NALF1: variants seen among roughly 807,000 people sequenced by gnomAD.
NALF1 encodes the protein NALCN channel auxiliary factor 1.
In NALF1, 3 loss-of-function variants were observed where a neutral mutation model predicts 48.4. That is an observed-to-expected ratio of 0.06 (90% CI 0.03 to 0.16). NALF1 has a LOEUF of 0.16. NALF1 is among the 10% of genes least tolerant of loss of function. The probability of loss-of-function intolerance (pLI) is 1.00; values close to 1 mark genes in which losing one functional copy is unlikely to be tolerated. For missense variants in NALF1, 526 were observed against 571.5 expected (o/e 0.92, Z 0.81); for synonymous variants, 262 against 245.7 (o/e 1.07, Z -0.62).
chr13:107,320,173 T>C (rs1415815196), intron 1 of NALF1, among the ~76,000 whole-genome samples: 1 of 152,066 alleles, frequency 6.6e-6, no homozygotes, highest in East Asian at 1.9e-4. Flanking sequence ...TTTAAAGATG[T>C]GCCTAAAAAA....
chr13:107,174,947 G>C (rs1033100461), intron 2 of NALF1, among the ~76,000 whole-genome samples: 4 of 149,956 alleles, frequency 2.7e-5, no homozygotes, highest in East Asian at 2.0e-4. Context: ...GCAGCGGCGC[G>C]ATCTCGGCTC....
chr13:107,439,733 T>C (rs2139024983), intron 1 of NALF1, among the ~76,000 whole-genome samples: 1 of 152,316 alleles, frequency 6.6e-6, no homozygotes, highest in South Asian at 2.1e-4. Context: ...CACTCCACTT[T>C]CAGAGTACGT....
At chr13:107,414,816 AGTGT>A (rs34942300) in intron 1 of NALF1, among the ~76,000 whole-genome samples, 9 of 150,562 alleles carry the variant, frequency 6.0e-5, no homozygotes, top group Non-Finnish European at 7.4e-5. Flanking sequence ...GGAGTGAGTG[AGTGT>A]GTGTGTGTGT....
chr13:107,354,665 A>G (rs2138948382), intron 1 of NALF1, among the ~76,000 whole-genome samples: 1 of 152,308 alleles, frequency 6.6e-6, no homozygotes, highest in South Asian at 2.1e-4. Context: ...TTCAAGAATA[A>G]GTACTTTTTT....
chr13:107,819,683 TTCTCTC>T lies in NALF1; in HGVS notation c.915+45993_915+45998del, dbSNP rs35254661. Reference sequence around the variant, plus strand: ...TGAATCTGCTGTCTCCAGCTGGAAATTCTCTCTCTCTCTCTCTCTCTCTCTCTCTCT... The same window carrying T: ...TGAATCTGCTGTCTCCAGCTGGAAATTCTCTCTCTCTCTCTCTCTCTCTCT... On this transcript the variant is annotated intron_variant, in intron 1 of 2. Coordinates refer to ENST00000375915, the MANE Select transcript of NALF1 (RefSeq NM_001080396.3). Among the ~76,000 whole-genome samples, 1,230 of 136,530 alleles carry T rather than the reference TTCTCTC, an allele frequency of 9.0e-3. 14 individuals are homozygous for T. Among genetic ancestry groups the T allele is most frequent in the Non-Finnish European group, 0.014 (889 of 63,222 alleles). 89.6% of individuals were successfully genotyped at this position (136,530 alleles called of 152,430 possible).
At chr13:107,863,878 T>C (rs1566510374) in intron 1 of NALF1, among the ~76,000 whole-genome samples, 1 of 152,210 alleles carries the variant, frequency 6.6e-6, no homozygotes, top group Non-Finnish European at 1.5e-5. Flanking sequence ...CTGCAGTCTA[T>C]TGTCAATACA....
chr13:107,737,174 T>C (rs1876491555), intron 1 of NALF1, among the ~76,000 whole-genome samples: 2 of 152,320 alleles, frequency 1.3e-5, no homozygotes, highest in Admixed American at 6.5e-5. Context: ...AACACCAGTG[T>C]CTTCTTAGTA....
chr13:107,316,132 G>A (rs1027781052), intron 1 of NALF1, among the ~76,000 whole-genome samples: 1 of 151,968 alleles, frequency 6.6e-6, no homozygotes, highest in Non-Finnish European at 1.5e-5. Flanking sequence ...CCACCAACGA[G>A]CGAGAACATG....
intron 1 of NALF1, among the ~76,000 whole-genome samples, chr13:107,490,824 T>TTG (rs1885403786): frequency 6.6e-6 from 1 of 152,124 alleles, no homozygotes; most frequent in African/African-American, 2.4e-5. Context: ...AATAATAACA[T>TTG]AATGTACTTG....
At chr13:107,668,900 T>C (rs1032602914) in intron 1 of NALF1, among the ~76,000 whole-genome samples, 1 of 152,040 alleles carries the variant, frequency 6.6e-6, no homozygotes, top group Non-Finnish European at 1.5e-5. Context: ...CCCATAAATA[T>C]TGTACCAAGT....
intron 1 of NALF1, among the ~76,000 whole-genome samples, chr13:107,836,780 T>G (rs990176269): frequency 6.6e-6 from 1 of 152,206 alleles, no homozygotes; most frequent in African/African-American, 2.4e-5. Context: ...TGAGATAATT[T>G]AAGTGAAAAT....
intron 1 of NALF1, among the ~76,000 whole-genome samples, chr13:107,353,838 T>C (rs1312878788): frequency 6.6e-6 from 1 of 152,200 alleles, no homozygotes; most frequent in Admixed American, 6.5e-5. Context: ...AACACAGGAA[T>C]AATCCATTAA....
rs557478001 is a variant in NALF1, at chr13:107,188,173, T to C, written c.1088-17387A>G. 8.7e-4 allele frequency among the ~76,000 whole-genome samples: 133 copies of C among 152,318 alleles called. 1 individual carries two copies. In the Middle Eastern group the frequency reaches 0.017, roughly 19 times the overall value. On this transcript the variant is annotated intron_variant, in intron 2 of 2. Coordinates refer to ENST00000375915, the MANE Select transcript of NALF1 (RefSeq NM_001080396.3). ...ATTTAGTGTTGCAGAAAATGATCTTTGAAGTTAGTATGTTGACTTTAATAT... is the reference window on the plus strand; with the variant it reads ...ATTTAGTGTTGCAGAAAATGATCTTCGAAGTTAGTATGTTGACTTTAATAT...
intron 1 of NALF1, among the ~76,000 whole-genome samples, chr13:107,302,268 C>T (rs1390418518): frequency 6.6e-6 from 1 of 152,130 alleles, no homozygotes; most frequent in Non-Finnish European, 1.5e-5. Flanking sequence ...TTCCCAGCCT[C>T]CATAACTGTA....
At chr13:107,230,913 A>G (rs1880207352) in intron 1 of NALF1, among the ~76,000 whole-genome samples, 1 of 152,064 alleles carries the variant, frequency 6.6e-6, no homozygotes, top group African/African-American at 2.4e-5. Context: ...TTCAAAAATT[A>G]GCCAGACATT....
chr13:107,212,381 G>A (rs532897910), intron 1 of NALF1, among the ~76,000 whole-genome samples: 2 of 152,254 alleles, frequency 1.3e-5, no homozygotes, highest in East Asian at 1.9e-4. Context: ...GAGTCTTCTC[G>A]TAACAGTGTA....
At chr13:107,463,801 T>C (rs113292441) in intron 1 of NALF1, among the ~76,000 whole-genome samples, 2 of 152,214 alleles carry the variant, frequency 1.3e-5, no homozygotes, top group African/African-American at 4.8e-5. Flanking sequence ...GGAAAAGGCA[T>C]TCCAAAAAAG....
Position 107,450,647 on chromosome 13 carries a change from A to G in NALF1, c.916-239892T>C, listed in dbSNP as rs546874756. Among the ~76,000 whole-genome samples the G allele has an allele frequency of 5.9e-5, 9 of 152,262 alleles. No homozygotes were observed. The East Asian group carries it at 1.7e-3, about 29-fold the overall frequency. On this transcript the variant is annotated intron_variant, in intron 1 of 2. Transcript: ENST00000375915. Reference sequence around the variant, plus strand: ...AAGGGCGAGAAAGGCTGCAATGTGCAAGGCTTCTTGGGGATGCCATGGGTG... The same window carrying G: ...AAGGGCGAGAAAGGCTGCAATGTGCGAGGCTTCTTGGGGATGCCATGGGTG...
intron 1 of NALF1, among the ~76,000 whole-genome samples, chr13:107,527,654 C>T (rs569102062): frequency 5.3e-5 from 8 of 152,196 alleles, no homozygotes; most frequent in African/African-American, 1.4e-4. Context: ...CTGAGCCACC[C>T]GGTGGGAGAT....
Sources: allele counts gnomAD v4.1 joint callset (sites outside exome capture counted in the v4.1 genomes callset), GRCh38; gene constraint gnomAD v4.1.1; transcripts MANE v1.5; gene names NCBI Gene and HGNC (gene_info 2026-07-23, HGNC 2026-07-21).